The following TMEM135 variants were observed in gnomAD, a reference collection of about 807,000 sequenced individuals.
TMEM135 encodes peroxisomal membrane protein 52.
TMEM135 carries 30 observed loss-of-function variants against 60.3 expected under a neutral mutation model. The ratio of observed to expected loss-of-function variants is 0.50; its 90% CI spans 0.37 to 0.68. The LOEUF is 0.68. TMEM135 is among the 30% of genes least tolerant of loss of function. The probability of loss-of-function intolerance (pLI) is 0.00; values close to 1 mark genes in which losing one functional copy is unlikely to be tolerated. For missense variants in TMEM135, 468 were observed against 548.8 expected, an observed-to-expected ratio of 0.85 and a Z score of 1.47; for synonymous variants, 190 against 186.7, an observed-to-expected ratio of 1.02 and a Z score of -0.14.
At chr11:87,222,189 A>AC (rs1383894391) in intron 5 of TMEM135, among the ~76,000 whole-genome samples, 1 of 130,254 alleles carries the variant, frequency 7.7e-6, no homozygotes, top group Non-Finnish European at 1.7e-5. Flanking sequence ...CTCAAAAAAA[A>AC]AAAAAAAAAA....
At chr11:87,202,982 G>A (rs1328521568) in intron 5 of TMEM135, among the ~76,000 whole-genome samples, 16 of 133,894 alleles carry the variant, frequency 1.2e-4, no homozygotes, top group African/African-American at 4.3e-4. Context: ...GCAGTGAGCC[G>A]AGATCATGCC....
intron 4 of TMEM135, among the ~76,000 whole-genome samples, chr11:87,106,495 A>G (rs976514841): frequency 6.6e-6 from 1 of 152,166 alleles, no homozygotes; most frequent in Non-Finnish European, 1.5e-5. Context: ...ATCTATGTTC[A>G]TCAGGGATAT....
At chr11:87,234,533 C>T (rs1940954532) in intron 5 of TMEM135, among the ~76,000 whole-genome samples, 1 of 151,988 alleles carries the variant, frequency 6.6e-6, no homozygotes. Flanking sequence ...AGATTTATGT[C>T]TCTGGGTTAG....
intron 5 of TMEM135, chr11:87,178,570 G>A (rs4944673): frequency 0.14 from 61,317 of 453,006 alleles, 4,864 homozygotes; most frequent in African/African-American, 0.27. Context: ...GGACTACAGG[G>A]GTGCACCATT....
At chr11:87,053,735 T>C (rs1299498701) in intron 1 of TMEM135, among the ~76,000 whole-genome samples, 1 of 152,194 alleles carries the variant, frequency 6.6e-6, no homozygotes, top group African/African-American at 2.4e-5. Flanking sequence ...TACTTCAGAT[T>C]TATTATTCTT....
intron 4 of TMEM135, among the ~76,000 whole-genome samples, chr11:87,124,071 T>TA (rs1937652165): frequency 6.6e-6 from 1 of 152,258 alleles, no homozygotes; most frequent in South Asian, 2.1e-4. Context: ...GCAATAGGTC[T>TA]ATAATCCTTA....
At chr11:87,182,866 G>A (rs1261527144) in intron 5 of TMEM135, among the ~76,000 whole-genome samples, 1 of 151,734 alleles carries the variant, frequency 6.6e-6, no homozygotes, top group Admixed American at 6.6e-5. Flanking sequence ...GATTTTCTTT[G>A]TGTAATGGCC....
chr11:87,242,879 G>T (rs1376024125), intron 6 of TMEM135, among the ~76,000 whole-genome samples: 1 of 147,186 alleles, frequency 6.8e-6, no homozygotes, highest in Non-Finnish European at 1.5e-5. Flanking sequence ...TGTCAATTTT[G>T]GCTTTTGTTG....
At chr11:87,040,462 C>G (rs1949740578) in intron 1 of TMEM135, among the ~76,000 whole-genome samples, 1 of 151,878 alleles carries the variant, frequency 6.6e-6, no homozygotes, top group South Asian at 2.1e-4. Flanking sequence ...CGTTCGAGAC[C>G]AGCCAGCTTG....
chr11:87,312,554 T>G (rs1463481268), intron 10 of TMEM135, among the ~76,000 whole-genome samples: 1 of 151,954 alleles, frequency 6.6e-6, no homozygotes, highest in East Asian at 1.9e-4. Context: ...ATATGGTCTC[T>G]GTCATAACTA....
At chr11:87,257,385 C>G (rs1941547701) in intron 6 of TMEM135, among the ~76,000 whole-genome samples, 1 of 152,108 alleles carries the variant, frequency 6.6e-6, no homozygotes, top group African/African-American at 2.4e-5. Context: ...CGGAGGTAAT[C>G]AAAAGACACT....
rs67692806 is a variant in TMEM135, at chr11:87,143,366, C to T, written c.397-13975C>T. On this transcript the variant is annotated intron_variant, in intron 4 of 14. Transcript: ENST00000305494. The stretch of plus-strand genomic sequence containing the variant: ...ATTGACTTCTTTTCTTTCTTTCTTT[C>T]TTTTTTTTTTTTTAAGCTGACCATG... Among the ~76,000 whole-genome samples, 116 of 57,388 alleles carry T rather than the reference C, an allele frequency of 2.0e-3. 3 individuals carry two copies. The East Asian group carries it at 0.054, about 27-fold the overall frequency. 37.6% of individuals were successfully genotyped at this position (57,388 alleles called of 152,430 possible).
intron 4 of TMEM135, among the ~76,000 whole-genome samples, chr11:87,103,484 T>A (rs1022423056): frequency 8.2e-6 from 1 of 122,228 alleles, no homozygotes; most frequent in Non-Finnish European, 1.6e-5. Context: ...TTTTTTTGTT[T>A]TTTTTTTTTG....
intron 5 of TMEM135, among the ~76,000 whole-genome samples, chr11:87,222,529 C>T (rs114561714): frequency 0.018 from 2,710 of 150,852 alleles, 67 homozygotes; most frequent in African/African-American, 0.059. Context: ...CTGGGCCGAG[C>T]GTGGTGGCCC....
intron 4 of TMEM135, among the ~76,000 whole-genome samples, chr11:87,106,209 T>C (rs1857592187): frequency 6.6e-6 from 1 of 152,016 alleles, no homozygotes; most frequent in Admixed American, 6.6e-5. Flanking sequence ...GTTCAAGTGA[T>C]TCTCCTGCCT....
chr11:87,109,388 TA>T (rs1486481766), intron 4 of TMEM135, among the ~76,000 whole-genome samples: 5 of 152,180 alleles, frequency 3.3e-5, no homozygotes, highest in Non-Finnish European at 7.4e-5. Flanking sequence ...TACAATAAAA[TA>T]GAACAATTAT....
chr11:87,288,908 T>G (rs1335396918), intron 6 of TMEM135, among the ~76,000 whole-genome samples: 8 of 152,228 alleles, frequency 5.3e-5, no homozygotes, highest in Non-Finnish European at 2.9e-5. Flanking sequence ...GAGGATTGTT[T>G]GAGTCCAGGA....
intron 5 of TMEM135, among the ~76,000 whole-genome samples, chr11:87,162,537 C>A (rs1938908495): frequency 7.1e-6 from 1 of 141,250 alleles, no homozygotes; most frequent in South Asian, 2.4e-4. Context: ...TGTGTCCCTG[C>A]AAAGGACATG....
intron 4 of TMEM135, among the ~76,000 whole-genome samples, chr11:87,117,550 T>C (rs2135208467): frequency 6.6e-6 from 1 of 152,292 alleles, no homozygotes; most frequent in African/African-American, 2.4e-5. Context: ...AAGAAACCTC[T>C]TTTTTTGCTC....
Sources: gnomAD v4.1 joint callset for allele counts (sites outside exome capture counted in the v4.1 genomes callset) on GRCh38, gnomAD v4.1.1 for gene constraint, MANE v1.5 for transcripts, NCBI Gene and HGNC (gene_info 2026-07-23, HGNC 2026-07-21) for gene names.